Variants in SRCIN1 observed in about 807,000 individuals in gnomAD.
SRCIN1 encodes the protein SRC kinase signaling inhibitor 1, also known as P130Cas-associated protein.
SRCIN1 carries 50 observed loss-of-function variants against 116.2 expected under a neutral mutation model. The ratio of observed to expected loss-of-function variants is 0.43; its 90% CI spans 0.34 to 0.54. The LOEUF is 0.54. Among genes scored for constraint, SRCIN1 ranks in the 20% least tolerant of loss-of-function variants. SRCIN1 has a pLI of 0.02. For missense variants in SRCIN1, 1,446 were observed against 1,672.0 expected, an observed-to-expected ratio of 0.86 and a Z score of 2.36; for synonymous variants, 736 against 750.0, an observed-to-expected ratio of 0.98 and a Z score of 0.30.
intron 11 of SRCIN1, among the ~76,000 whole-genome samples, chr17:38,555,760 T>C (rs1027854125): frequency 2.6e-5 from 4 of 152,128 alleles, no homozygotes; most frequent in African/African-American, 9.7e-5. Context: ...CCATACACTG[T>C]CCTAGCCCAG....
intron 1 of SRCIN1, among the ~76,000 whole-genome samples, chr17:38,588,591 C>G (rs991849397): frequency 4.6e-5 from 7 of 152,194 alleles, no homozygotes; most frequent in South Asian, 2.1e-4. Flanking sequence ...GCTGCCAGGG[C>G]GTCTTCTCCC....
rs992616363 is a variant in SRCIN1, at chr17:38,604,009, C to G, written c.22+1675G>C. ...ACCACACCAGAAACCACCACCATCA[C>G]AGCTGCCACCAGTGGCGACAGCCTC... On this transcript the variant is annotated intron_variant, in intron 1 of 18. Transcript: ENST00000617146. The surrounding 1 kb of genome is among the most constrained non-coding windows in gnomAD (Gnocchi z 4.3). Among the ~76,000 whole-genome samples, 1 of 152,164 alleles carries G rather than the reference C, an allele frequency of 6.6e-6. No individual in the cohort carries two copies. The highest frequency in any genetic ancestry group is 1.5e-5 in the Non-Finnish European group (1 of 68,028).
rs1597911373 is a variant in SRCIN1 at position 38,568,338 on chromosome 17, C to T, written c.325-107G>A. 1.8e-6 allele frequency: 2 copies of T among 1,085,784 alleles called. No homozygotes were observed. Among genetic ancestry groups the T allele is most frequent in the Admixed American group, 3.9e-5 (2 of 50,754 alleles). The allele number at this position is 1,085,784 out of a possible 1,614,324, so 67.3% of individuals were successfully genotyped here. A position where few individuals can be genotyped will look rare whatever the true frequency, so the allele number is the denominator to read the frequency against. ...TGGAACTCAGCACTCAGCCCTAGGA[C>T]AAGGGCCCTCCACCCTCCCAGGAGC... On this transcript the variant is annotated intron_variant, in intron 2 of 18. Coordinates refer to ENST00000617146, the MANE Select transcript of SRCIN1 (RefSeq NM_025248.3). The surrounding 1 kb of genome is among the most constrained non-coding windows in gnomAD (Gnocchi z 4.5).
At chr17:38,570,818 G>C (rs1241078126) in intron 2 of SRCIN1, among the ~76,000 whole-genome samples, 1 of 152,254 alleles carries the variant, frequency 6.6e-6, no homozygotes, top group Non-Finnish European at 1.5e-5. Flanking sequence ...GGTGGCATCA[G>C]TGCCATAGGA....
At chr17:38,540,002 C>A (rs1263018489) in intron 18 of SRCIN1, among the ~76,000 whole-genome samples, 7 of 120,228 alleles carry the variant, frequency 5.8e-5, no homozygotes, top group African/African-American at 2.0e-4. Context: ...ACCTGAGCAA[C>A]AGAGCGAGAC....
intron 1 of SRCIN1, among the ~76,000 whole-genome samples, chr17:38,598,251 A>G (rs7211926): frequency 0.11 from 16,580 of 152,172 alleles, 1,599 homozygotes; most frequent in African/African-American, 0.26. Flanking sequence ...AATAGGCAGC[A>G]GACAGCCCAG....
intron 11 of SRCIN1, among the ~76,000 whole-genome samples, chr17:38,556,697 G>A (rs1355708698): frequency 6.6e-6 from 1 of 152,232 alleles, no homozygotes; most frequent in Non-Finnish European, 1.5e-5. Context: ...CAGGAGGATG[G>A]AGAATCCTGC....
Position 38,598,434 on chromosome 17 carries a change from G to A in SRCIN1, c.22+7250C>T, listed in dbSNP as rs188746189. On this transcript the variant is annotated intron_variant, in intron 1 of 18. Coordinates refer to ENST00000617146, the MANE Select transcript of SRCIN1 (RefSeq NM_025248.3). ...GGGGTGAGGGGAGACTGCAGAACAC[G>A]TCCCCCCCGCAATCTCCCCAGCTCT... Among the ~76,000 whole-genome samples the A allele has an allele frequency of 5.3e-5, 8 of 152,216 alleles. No homozygotes were observed. In the South Asian group the frequency reaches 1.5e-3, roughly 28 times the overall value.
intron 2 of SRCIN1, 45 bp downstream of exon 2, chr17:38,578,445 G>GCTGGCC (rs1333180417): frequency 1.1e-5 from 16 of 1,446,698 alleles, no homozygotes; most frequent in Non-Finnish European, 1.4e-5. Flanking sequence ...TCCCCTGCCC[G>GCTGGCC]CTGGCCGCGG....
At chr17:38,600,750 G>C (rs769538667) in intron 1 of SRCIN1, among the ~76,000 whole-genome samples, 13 of 152,240 alleles carry the variant, frequency 8.5e-5, no homozygotes, top group South Asian at 2.1e-4. Context: ...CTAGCCACAG[G>C]CAACTTTGGT....
Position 38,604,539 on chromosome 17 carries a change from T to TGCCCAGA in SRCIN1, c.22+1144_22+1145insTCTGGGC. 2 of 455,064 alleles carry TGCCCAGA rather than the reference T, an allele frequency of 4.4e-6. No homozygotes were observed. Among genetic ancestry groups the TGCCCAGA allele is most frequent in the Non-Finnish European group, 8.8e-6 (2 of 226,400 alleles). The allele number at this position is 455,064 out of a possible 1,614,324, so 28.2% of individuals were successfully genotyped here. Reference sequence around the variant, plus strand: ...GCCTCCTCCCTGGGAGAGCGGGCTCTGCCCTCCGCCGTCCTCTCCCACCAG... The same window carrying TGCCCAGA: ...GCCTCCTCCCTGGGAGAGCGGGCTCTGCCCAGAGCCCTCCGCCGTCCTCTCCCACCAG... On this transcript the variant is annotated intron_variant, in intron 1 of 18. Coordinates refer to ENST00000617146, the MANE Select transcript of SRCIN1 (RefSeq NM_025248.3). The surrounding 1 kb of genome is among the most constrained non-coding windows in gnomAD (Gnocchi z 4.3).
chr17:38,605,803 C>CCGA lies in SRCIN1; in HGVS notation c.-99_-98insTCG. ...TCCTCGCTCGGCCCCAGCCCCGGGG[C>CCGA]GCGGTGCCAGGCGGGCGGGCCGGGG... On this transcript the variant is annotated 5_prime_UTR_variant, in exon 1 of 19. Coordinates refer to ENST00000617146, the MANE Select transcript of SRCIN1 (RefSeq NM_025248.3). The CCGA allele has an allele frequency of 2.4e-6, 1 of 409,972 alleles. No homozygotes were observed. Among genetic ancestry groups the CCGA allele is most frequent in the Non-Finnish European group, 3.3e-6 (1 of 305,350 alleles). 25.4% of individuals were successfully genotyped at this position (409,972 alleles called of 1,614,324 possible).
chr17:38,545,781 T>C (rs1905035733), intron 17 of SRCIN1, among the ~76,000 whole-genome samples: 1 of 152,206 alleles, frequency 6.6e-6, no homozygotes, highest in African/African-American at 2.4e-5. Context: ...TGCCCATCTG[T>C]GCAATGACTC....
chr17:38,546,381 G>A (rs559834708), intron 17 of SRCIN1: 31 of 152,428 alleles, frequency 2.0e-4, no homozygotes, highest in Admixed American at 6.5e-4. Flanking sequence ...AAAGGGAGCC[G>A]TGGGGAGATG....
At chr17:38,579,450 C>T (rs1325201140) in intron 1 of SRCIN1, among the ~76,000 whole-genome samples, 2 of 152,196 alleles carry the variant, frequency 1.3e-5, no homozygotes, top group East Asian at 3.9e-4. Context: ...TTTCCCTTCC[C>T]TCCCCAGAGA....
At chr17:38,606,787 G>A (rs182780945), upstream of SRCIN1, among the ~76,000 whole-genome samples, 152 of 152,090 alleles carry the variant, frequency 1.0e-3, no homozygotes, top group East Asian at 0.021. The surrounding 1 kb of genome is among the most constrained non-coding windows in gnomAD (Gnocchi z 5.2). Flanking sequence ...CTTCTCCAGC[G>A]CTGACCCGGA....
intron 1 of SRCIN1, among the ~76,000 whole-genome samples, chr17:38,595,621 T>C (rs7224125): frequency 0.034 from 5,148 of 152,288 alleles, 319 homozygotes; most frequent in African/African-American, 0.12. Context: ...CTAAACAAAA[T>C]GGTCCCATCT....
intron 2 of SRCIN1, among the ~76,000 whole-genome samples, chr17:38,577,629 A>G (rs962548038): frequency 6.6e-6 from 1 of 152,178 alleles, no homozygotes; most frequent in South Asian, 2.1e-4. Flanking sequence ...CAGGGGTACA[A>G]TGGCTGAGTC....
intron 1 of SRCIN1, among the ~76,000 whole-genome samples, chr17:38,590,900 C>T (rs1908405087): frequency 6.6e-6 from 1 of 152,220 alleles, no homozygotes; most frequent in Non-Finnish European, 1.5e-5. Context: ...GAAGAGAACG[C>T]TGAAACAACC....
Sources: gnomAD v4.1 joint callset for allele counts (sites outside exome capture counted in the v4.1 genomes callset) on GRCh38, gnomAD v4.1.1 for gene constraint, Gnocchi (gnomAD v3.1) non-coding constraint, MANE v1.5 for transcripts, NCBI Gene and HGNC (gene_info 2026-07-23, HGNC 2026-07-21) for gene names.